CELSR3: variants seen among roughly 807,000 people sequenced by gnomAD.
The protein encoded by CELSR3 is EGF-like protein 1.
A neutral mutation model predicts 270.0 loss-of-function variants in CELSR3; 73 were observed. The ratio of observed to expected loss-of-function variants is 0.27; its 90% CI spans 0.22 to 0.33. CELSR3 has a LOEUF of 0.33. CELSR3 is among the 10% of genes least tolerant of loss of function. The pLI is 1.00. For synonymous variants in CELSR3, 1,780 were observed against 1,905.4 expected (o/e 0.93, Z 1.71); for missense variants, 3,614 against 4,533.8 (o/e 0.80, Z 5.83).
At position 48,639,847 on chromosome 3, in the gene CELSR3, A is replaced by AAGAAT; in HGVS notation, c.9733_9737dup (p.Ser3247PhefsTer79). The stretch of plus-strand genomic sequence containing the variant: ...AGTTGAAAGAGGCAAGGATGGAGGA[A>AAGAAT]AGAATGTCCAACTGTTCTGTGGAGG... On this transcript the variant is annotated frameshift_variant, in exon 34 of 35. Coordinates refer to ENST00000164024, the MANE Select transcript of CELSR3 (RefSeq NM_001407.3). LOFTEE classifies it high-confidence loss of function. This position sits in a 1 kb window ranked among gnomAD's most constrained non-coding sequence, Gnocchi z 4.1. 1.9e-6 allele frequency: 3 copies of AAGAAT among 1,613,788 alleles called. No homozygotes were observed. Among genetic ancestry groups the AAGAAT allele is most frequent in the Non-Finnish European group, 2.5e-6 (3 of 1,180,002 alleles).
In CELSR3 at chr3:48,652,591, G is replaced by A. The variant is rs749584000; in HGVS notation, c.5635-38C>T. On this transcript the variant is annotated intron_variant, in intron 10 of 34. Coordinates refer to ENST00000164024, the MANE Select transcript of CELSR3 (RefSeq NM_001407.3). This position sits in a 1 kb window ranked among gnomAD's most constrained non-coding sequence, Gnocchi z 4.3. Reference sequence around the variant, plus strand: ...GGGCAGTCAGCACTGAGGGAGAGGGGCCTGATGAACCCCTGTCATAGCCCA... The same window carrying A: ...GGGCAGTCAGCACTGAGGGAGAGGGACCTGATGAACCCCTGTCATAGCCCA... The A allele has an allele frequency of 1.3e-6, 2 of 1,491,438 alleles. No homozygotes were observed. Among genetic ancestry groups the A allele is most frequent in the Non-Finnish European group, 9.2e-7 (1 of 1,089,388 alleles). 92.4% of individuals were successfully genotyped at this position (1,491,438 alleles called of 1,614,324 possible).
Position 48,662,469 on chromosome 3 carries a change from T to C in CELSR3, c.166A>G (p.Ile56Val), listed in dbSNP as rs2077075852. 1.9e-6 allele frequency: 3 copies of C among 1,612,578 alleles called. No individual in the cohort carries two copies. The highest frequency in any genetic ancestry group is 2.5e-6 in the Non-Finnish European group (3 of 1,179,882). The change falls in exon 1 of 35, where the codon ATC (isoleucine) becomes GTC (valine). Residue 56 changes from isoleucine to valine, a missense_variant. This residue lies in a region of CELSR3 where 470 missense variants were observed against 469.7 expected (regional missense o/e 1.00). Transcript: ENST00000164024. This position sits in a 1 kb window ranked among gnomAD's most constrained non-coding sequence, Gnocchi z 7.1. ...LAATTGPRAH[I>V]GGGALALCPE... ...CAAAGAGCTAAGGCTCCGCCACCGA[T>C]ATGCGCCCTTGGCCCCGTAGTGGCA...
chr3:48,652,939 G>T lies in CELSR3; in HGVS notation c.5634+63C>A. ...TGAGAGGAGCTGGACTAGAGGTGGGGTCAAATAAGGCGGATCTGGTTGGAA... is the reference window on the plus strand; with the variant it reads ...TGAGAGGAGCTGGACTAGAGGTGGGTTCAAATAAGGCGGATCTGGTTGGAA... On this transcript the variant is annotated intron_variant, in intron 10 of 34. Transcript: ENST00000164024. This position sits in a 1 kb window ranked among gnomAD's most constrained non-coding sequence, Gnocchi z 4.3. 1 of 1,406,906 alleles carries T rather than the reference G, an allele frequency of 7.1e-7. No homozygotes were observed. Among genetic ancestry groups the T allele is most frequent in the Non-Finnish European group, 1.0e-6 (1 of 1,004,440 alleles). The allele number at this position is 1,406,906 out of a possible 1,614,324, so 87.2% of individuals were successfully genotyped here.
Position 48,642,105 on chromosome 3 carries a change from G to A in CELSR3, c.8666-96C>T. The A allele has an allele frequency of 1.6e-6, 2 of 1,247,112 alleles. No homozygotes were observed. Among genetic ancestry groups the A allele is most frequent in the East Asian group, 2.5e-5 (1 of 40,062 alleles). The allele number at this position is 1,247,112 out of a possible 1,614,324, so 77.3% of individuals were successfully genotyped here. A position where few individuals can be genotyped will look rare whatever the true frequency, so the allele number is the denominator to read the frequency against. On this transcript the variant is annotated intron_variant, in intron 31 of 34. Coordinates refer to ENST00000164024, the MANE Select transcript of CELSR3 (RefSeq NM_001407.3). This position sits in a 1 kb window ranked among gnomAD's most constrained non-coding sequence, Gnocchi z 6.1. ...GTCTAGAGGTGGGTACGGCAAGGGG[G>A]TTAGGGTTGGGGACAGGAACCGGGG...
chr3:48,647,950 G>T lies in CELSR3; in HGVS notation c.7020C>A (p.Ala2340=). ...RMEHPSSPRG[A]RRYPRYHSNL... ...TGCTATGGTAGCGAGGGTAGCGACG[G>T]GCCCCCCGGGGAGAACTGGGGTGCT... Residue 2340 remains alanine (A), a synonymous_variant, in exon 20 of 35, where the codon GCC becomes GCA. Transcript: ENST00000164024. 1 of 1,612,116 alleles carries T rather than the reference G, an allele frequency of 6.2e-7. No individual in the cohort carries two copies. Among genetic ancestry groups the T allele is most frequent in the Non-Finnish European group, 8.5e-7 (1 of 1,179,706 alleles).
chr3:48,644,746 G>C lies in CELSR3; in HGVS notation c.8055C>G (p.Ser2685Arg). ...WISVHEPLIW[S>R]FAGPVVLVIV... ...TGACCAGGACAACAGGGCCAGCAAA[G>C]CTCCAGATGAGGGGCTCGTGGACTG... The change falls in exon 26 of 35, where the codon AGC becomes AGG. Residue 2685 changes from serine (S) to arginine (R), a missense_variant. Coordinates refer to ENST00000164024, the MANE Select transcript of CELSR3 (RefSeq NM_001407.3). This position sits in a 1 kb window ranked among gnomAD's most constrained non-coding sequence, Gnocchi z 4.8. 1.2e-6 allele frequency: 2 copies of C among 1,613,530 alleles called. No homozygotes were observed. The highest frequency in any genetic ancestry group is 1.7e-6 in the Non-Finnish European group (2 of 1,179,952).
At position 48,656,146 on chromosome 3, in the gene CELSR3, G is replaced by C. The variant is rs1005457726; in HGVS notation, c.4619C>G (p.Ser1540Cys). The change falls in exon 3 of 35, where the codon TCC (serine) becomes TGC (cysteine). Residue 1540 changes from serine (S) to cysteine (C), a missense_variant. Physicochemically the swap from Ser to Cys is moderately radical, Grantham distance 112. Transcript: ENST00000164024. ...ACACGGGGCGGGCACCTACGAGAGG[G>C]ACAGCGTAAGGTGGAATCGCTGCCG... is the stretch of plus-strand genomic sequence containing the variant. ...GLRQRFHLTL[S>C]LSFATVQQSG... 59 of 1,535,854 alleles carry C rather than the reference G, an allele frequency of 3.8e-5. No individual in the cohort carries two copies. Among genetic ancestry groups the C allele is most frequent in the Non-Finnish European group, 5.0e-5 (57 of 1,147,036 alleles).
chr3:48,656,677 C>G (rs2077025897), intron 2 of CELSR3, 21 bp downstream of exon 2: 1 of 1,465,528 alleles, frequency 6.8e-7, no homozygotes, highest in African/African-American at 1.4e-5. Context: ...TCCCCCAGCT[C>G]TGGCCCGGCG....
At position 48,661,700 on chromosome 3, in the gene CELSR3, C is replaced by T. The variant is rs763456501; in HGVS notation, c.935G>A (p.Arg312Gln). The T allele has an allele frequency of 4.4e-6, 7 of 1,574,880 alleles. No homozygotes were observed. The highest frequency in any genetic ancestry group is 6.0e-6 in the Non-Finnish European group (7 of 1,159,404). The change falls in exon 1 of 35, where the codon CGG becomes CAG. Residue 312 changes from arginine to glutamine, a missense_variant. Arg to Gln is a conservative substitution (Grantham distance 43, BLOSUM62 1). Coordinates refer to ENST00000164024, the MANE Select transcript of CELSR3 (RefSeq NM_001407.3). The part of the protein sequence containing the change: ...PEARKVTSAN[R>Q]ARFRRAANRH... ...GTTTGCGGCGCGACGAAAGCGTGCC[C>T]GGTTCGCCGAGGTTACTTTCCTGGC... is the stretch of plus-strand genomic sequence containing the variant.
Position 48,640,532 on chromosome 3 carries a change from G to T in CELSR3, c.9053C>A (p.Pro3018Gln), listed in dbSNP as rs750967993. The T allele has an allele frequency of 6.3e-7, 1 of 1,597,208 alleles. No individual in the cohort carries two copies. The highest frequency in any genetic ancestry group is 1.1e-5 in the South Asian group (1 of 90,376). Residue 3018 changes from proline to glutamine, a missense_variant, in exon 34 of 35, where the codon CCA becomes CAA. By Grantham distance (76) the Pro-to-Gln change is moderately conservative. Coordinates refer to ENST00000164024, the MANE Select transcript of CELSR3 (RefSeq NM_001407.3). This position sits in a 1 kb window ranked among gnomAD's most constrained non-coding sequence, Gnocchi z 7.5. The part of the protein sequence containing the change: ...KGILKNRLQY[P>Q]LVPQTRGAPE... ...GGCACCTCGGGTCTGTGGCACCAGT[G>T]GGTATTGCAACCGGTTCTTCAGGAT...
chr3:48,638,496 G>A (rs1408620419), intron 34 of CELSR3, among the ~76,000 whole-genome samples: 2 of 152,130 alleles, frequency 1.3e-5, no homozygotes, highest in African/African-American at 4.8e-5. Flanking sequence ...GCTATATTGA[G>A]CACTTGACAG....
In CELSR3 at chr3:48,645,261, C is replaced by A. The variant is rs1287692789; in HGVS notation, c.7798-52G>T. 1 of 1,549,830 alleles carries A rather than the reference C, an allele frequency of 6.5e-7. No individual in the cohort carries two copies. Among genetic ancestry groups the A allele is most frequent in the African/African-American group, 1.4e-5 (1 of 73,850 alleles). Reference sequence around the variant, plus strand: ...CTCTCCTGCCTCACCCACCTCTGACCCCTACCCCAGGCATCTGCTTCCCAC... The same window carrying A: ...CTCTCCTGCCTCACCCACCTCTGACACCTACCCCAGGCATCTGCTTCCCAC... On this transcript the variant is annotated intron_variant, in intron 24 of 34. Coordinates refer to ENST00000164024, the MANE Select transcript of CELSR3 (RefSeq NM_001407.3). This position sits in a 1 kb window ranked among gnomAD's most constrained non-coding sequence, Gnocchi z 5.4.
chr3:48,656,106 C>T, intron 3 of CELSR3, 34 bp downstream of exon 3: 12 of 995,606 alleles, frequency 1.2e-5, no homozygotes, highest in Non-Finnish European at 1.3e-5. Flanking sequence ...GTGGGGGCGG[C>T]GGGGAGGCGC....
At chr3:48,648,108 C>T in intron 19 of CELSR3, 112 bp from the exon 20 acceptor site, 1 of 1,474,954 alleles carries the variant, frequency 6.8e-7, no homozygotes, top group Non-Finnish European at 9.2e-7. Context: ...GTTTTCTGTG[C>T]TACCAGCTCG....
rs573203483 is a variant in CELSR3, at chr3:48,650,264, G to C, written c.6472+216C>G. 4 of 664,322 alleles carry C rather than the reference G, an allele frequency of 6.0e-6. No homozygotes were observed. The Admixed American group carries it at 8.2e-5, about 14-fold the overall frequency. 41.2% of individuals were successfully genotyped at this position (664,322 alleles called of 1,614,324 possible). A position where few individuals can be genotyped will look rare whatever the true frequency, so the allele number is the denominator to read the frequency against. On this transcript the variant is annotated intron_variant, in intron 16 of 34. Transcript: ENST00000164024. This position sits in a 1 kb window ranked among gnomAD's most constrained non-coding sequence, Gnocchi z 5.1. The stretch of plus-strand genomic sequence containing the variant: ...GGGGGCAGTGCACCTGAGCAAACAC[G>C]TACCCCTTACCTGCACCCCGCAATC...
chr3:48,654,901 G>A lies in CELSR3; in HGVS notation c.4988+143C>T, dbSNP rs912082884. ...GGGGCTAGGGTGAGTAGGCTTTCAG[G>A]GTCTTTGAGAGGAGAGGGGAATCTT... On this transcript the variant is annotated intron_variant, in intron 6 of 34. Coordinates refer to ENST00000164024, the MANE Select transcript of CELSR3 (RefSeq NM_001407.3). The surrounding 1 kb of genome is among the most constrained non-coding windows in gnomAD (Gnocchi z 5.4). 4.3e-5 allele frequency: 36 copies of A among 833,286 alleles called. No homozygotes were observed. In the African/African-American group the frequency reaches 5.9e-4, roughly 14 times the overall value. 51.6% of individuals were successfully genotyped at this position (833,286 alleles called of 1,614,324 possible).
chr3:48,654,495 A>G lies in CELSR3; in HGVS notation c.4989-43T>C, dbSNP rs1386804012. ...GGGTCATTGGTGGGACTGGGGCCAG[A>G]GTAGAGTTGCTCCTGGGGGGCCACA... On this transcript the variant is annotated intron_variant, in intron 6 of 34. Coordinates refer to ENST00000164024, the MANE Select transcript of CELSR3 (RefSeq NM_001407.3). This position sits in a 1 kb window ranked among gnomAD's most constrained non-coding sequence, Gnocchi z 5.4. The G allele has an allele frequency of 3.3e-6, 5 of 1,518,070 alleles. No homozygotes were observed. The highest frequency in any genetic ancestry group is 4.4e-6 in the Non-Finnish European group (5 of 1,129,056). The allele number at this position is 1,518,070 out of a possible 1,614,324, so 94.0% of individuals were successfully genotyped here. A position where few individuals can be genotyped will look rare whatever the true frequency, so the allele number is the denominator to read the frequency against.
At chr3:48,656,505 G>A (rs746473536) in intron 2 of CELSR3, 140 bp from the exon 3 acceptor site, 1 of 1,125,512 alleles carries the variant, frequency 8.9e-7, no homozygotes, top group Non-Finnish European at 1.2e-6. Context: ...CCTTCCGTCT[G>A]GCCCCGCCCC....
chr3:48,649,105 G>A lies in CELSR3; in HGVS notation c.6567+16C>T. On this transcript the variant is annotated intron_variant, in intron 17 of 34. Transcript: ENST00000164024. ...GGAAGGTCTTAGGTTGCAGGAAAAG[G>A]TCTGGGCAGTCTCACCAGCAGACTG... The A allele has an allele frequency of 1.2e-6, 2 of 1,606,934 alleles. No homozygotes were observed. The highest frequency in any genetic ancestry group is 1.7e-6 in the Non-Finnish European group (2 of 1,176,356).
Sources: allele counts gnomAD v4.1 joint callset (sites outside exome capture counted in the v4.1 genomes callset), GRCh38; gene constraint gnomAD v4.1.1; regional missense constraint gnomAD v4.1.1; non-coding constraint Gnocchi (gnomAD v3.1); transcripts MANE v1.5; gene names NCBI Gene and HGNC (gene_info 2026-07-23, HGNC 2026-07-21).